KCNH8: variants seen among roughly 807,000 people sequenced by gnomAD.
KCNH8 encodes the protein potassium voltage-gated channel subfamily H member 8, also known as voltage-gated delayed rectifier potassium channel KCNH8.
In KCNH8, 70 loss-of-function variants were observed where a neutral mutation model predicts 103.6. The observed-to-expected ratio is 0.68, with a 90% confidence interval of 0.56 to 0.82. The LOEUF is 0.82. Among genes scored for constraint, KCNH8 ranks in the 40% least tolerant of loss-of-function variants. The pLI, the probability that KCNH8 is intolerant of heterozygous loss-of-function variation, is 0.00. For missense variants in KCNH8, 1,217 were observed against 1,329.9 expected (o/e 0.92, Z 1.32); for synonymous variants, 498 against 489.4 (o/e 1.02, Z -0.23).
At chr3:19,342,736 G>A in intron 4 of KCNH8, 22 bp downstream of exon 4, 1 of 1,588,196 alleles carries the variant, frequency 6.3e-7, no homozygotes, top group Non-Finnish European at 8.6e-7. Flanking sequence ...GTGTGTACAG[G>A]ATGAATGCTA....
intron 11 of KCNH8, among the ~76,000 whole-genome samples, chr3:19,494,594 G>T (rs2068397438): frequency 6.6e-6 from 1 of 152,138 alleles, no homozygotes; most frequent in Non-Finnish European, 1.5e-5. Flanking sequence ...AATACATTCA[G>T]TCTTCTATTT....
At chr3:19,434,702 AT>A (rs200297145) in intron 7 of KCNH8, among the ~76,000 whole-genome samples, 2,296 of 152,232 alleles carry the variant, frequency 0.015, 21 homozygotes, top group Middle Eastern at 0.068. Context: ...TAGTAAGAGT[AT>A]TTTTTTATGC....
At chr3:19,310,717 G>C (rs1166744326) in intron 3 of KCNH8, among the ~76,000 whole-genome samples, 1 of 151,672 alleles carries the variant, frequency 6.6e-6, no homozygotes, top group Non-Finnish European at 1.5e-5. Flanking sequence ...TCTTAACAGA[G>C]TAATTTTATG....
At chr3:19,495,734 C>T (rs948347411) in intron 11 of KCNH8, among the ~76,000 whole-genome samples, 7 of 151,082 alleles carry the variant, frequency 4.6e-5, no homozygotes, top group Admixed American at 3.3e-4. Context: ...TTTTAAATTG[C>T]ATGAAGAATG....
intron 11 of KCNH8, among the ~76,000 whole-genome samples, chr3:19,457,585 T>C (rs1243747090): frequency 1.3e-5 from 2 of 152,036 alleles, no homozygotes; most frequent in African/African-American, 2.4e-5. Flanking sequence ...GTGATTAAGC[T>C]GATCGTGAAC....
At chr3:19,260,419 C>T (rs952455882) in intron 2 of KCNH8, among the ~76,000 whole-genome samples, 17 of 144,540 alleles carry the variant, frequency 1.2e-4, no homozygotes, top group Admixed American at 3.6e-4. Context: ...CAGATAATTA[C>T]AGTAAGAAAC....
intron 1 of KCNH8, among the ~76,000 whole-genome samples, chr3:19,212,474 G>A (rs2063780435): frequency 3.9e-5 from 6 of 152,124 alleles, no homozygotes; most frequent in Non-Finnish European, 8.8e-5. Flanking sequence ...GTATTTCTGG[G>A]TAGTAATTTA....
intron 5 of KCNH8, among the ~76,000 whole-genome samples, chr3:19,359,945 G>A (rs935377966): frequency 2.0e-5 from 3 of 151,934 alleles, no homozygotes; most frequent in African/African-American, 7.2e-5. Context: ...TACCTTCTGT[G>A]AACTTTTGAG....
chr3:19,207,244 T>C (rs1014478911), intron 1 of KCNH8, among the ~76,000 whole-genome samples: 1 of 151,990 alleles, frequency 6.6e-6, no homozygotes, highest in African/African-American at 2.4e-5. Context: ...GGAAGTGTCT[T>C]AGTAACAATG....
At chr3:19,414,334 TA>T (rs1447438997) in intron 7 of KCNH8, among the ~76,000 whole-genome samples, 7 of 152,028 alleles carry the variant, frequency 4.6e-5, no homozygotes, top group African/African-American at 1.7e-4. Context: ...TTTGAAAAAT[TA>T]AAAGTCACCA....
At chr3:19,237,368 CT>C (rs1243437860) in intron 1 of KCNH8, among the ~76,000 whole-genome samples, 7 of 152,196 alleles carry the variant, frequency 4.6e-5, no homozygotes, top group African/African-American at 4.8e-5. Flanking sequence ...GATTTCAGTC[CT>C]CATAGAGCCC....
chr3:19,483,524 T>C (rs940905270), intron 11 of KCNH8, among the ~76,000 whole-genome samples: 36 of 152,212 alleles, frequency 2.4e-4, no homozygotes, highest in African/African-American at 8.4e-4. Context: ...CTAATTTTCA[T>C]GCTTCCTATG....
chr3:19,474,780 T>A (rs1444530805), intron 11 of KCNH8, among the ~76,000 whole-genome samples: 1 of 152,250 alleles, frequency 6.6e-6, no homozygotes, highest in African/African-American at 2.4e-5. Context: ...TTCGTGTGAC[T>A]GCATTTTGCC....
chr3:19,357,688 T>C (rs1055593823), intron 5 of KCNH8, among the ~76,000 whole-genome samples: 2 of 151,910 alleles, frequency 1.3e-5, no homozygotes, highest in Non-Finnish European at 2.9e-5. Context: ...TAAAGTTGTA[T>C]CTCTGATTGC....
intron 1 of KCNH8, among the ~76,000 whole-genome samples, chr3:19,170,812 T>A (rs1161739): frequency 0.048 from 4,796 of 100,374 alleles, 121 homozygotes; most frequent in Middle Eastern, 0.074. Context: ...ATATATATAT[T>A]TTTTTTTTTT....
intron 11 of KCNH8, among the ~76,000 whole-genome samples, chr3:19,499,548 G>C (rs899527782): frequency 6.6e-6 from 1 of 152,100 alleles, no homozygotes; most frequent in African/African-American, 2.4e-5. Flanking sequence ...CAGAAAGGTC[G>C]GGTTACCCTC....
intron 7 of KCNH8, among the ~76,000 whole-genome samples, chr3:19,430,379 A>T (rs897147865): frequency 6.6e-6 from 1 of 151,994 alleles, no homozygotes; most frequent in African/African-American, 2.4e-5. Context: ...GCCTGGTAGT[A>T]TAAGTTGGGT....
At chr3:19,266,466 CTATG>C (rs1488309972) in intron 2 of KCNH8, among the ~76,000 whole-genome samples, 1 of 152,104 alleles carries the variant, frequency 6.6e-6, no homozygotes, top group Non-Finnish European at 1.5e-5. Context: ...CCTATTTCAT[CTATG>C]AGGCTTTCAA....
At chr3:19,355,806 A>G (rs1432008697) in intron 5 of KCNH8, among the ~76,000 whole-genome samples, 1 of 152,036 alleles carries the variant, frequency 6.6e-6, no homozygotes, top group African/African-American at 2.4e-5. Flanking sequence ...TGGGTGCAGC[A>G]CACCAACATG....
Sources: gnomAD v4.1 joint callset for allele counts (sites outside exome capture counted in the v4.1 genomes callset) on GRCh38, gnomAD v4.1.1 for gene constraint, MANE v1.5 for transcripts, NCBI Gene and HGNC (gene_info 2026-07-23, HGNC 2026-07-21) for gene names.